ANKRD36B: variants seen among roughly 807,000 people sequenced by gnomAD.
The protein encoded by ANKRD36B is ankyrin repeat domain-containing protein 36B.
Under a neutral mutation model 135.7 loss-of-function variants are expected in ANKRD36B, and 37 were observed. That is an observed-to-expected ratio of 0.27 (90% CI 0.21 to 0.36). The LOEUF (loss-of-function observed/expected upper bound fraction) is 0.36. Among genes scored for constraint, ANKRD36B ranks in the 10% least tolerant of loss-of-function variants. The pLI, the probability that ANKRD36B is intolerant of heterozygous loss-of-function variation, is 1.00. For missense variants in ANKRD36B, 549 were observed against 1,037.1 expected, an observed-to-expected ratio of 0.53 and a Z score of 6.46; for synonymous variants, 179 against 348.1, an observed-to-expected ratio of 0.51 and a Z score of 5.41.
Position 97,589,678 on chromosome 2 carries a change from C to G in ANKRD36B, c.8G>C (p.Arg3Pro). ...AAATGCGAAGCCATCCGAGCACAAGCGCTCCATGAGGGTGGGCCACCTCTC... is the reference window on the plus strand; with the variant it reads ...AAATGCGAAGCCATCCGAGCACAAGGGCTCCATGAGGGTGGGCCACCTCTC... ME[R>P]LCSDGFAFPH... Residue 3 changes from arginine (R) to proline (P), a missense_variant, in exon 1 of 44, where the codon CGC (arginine) becomes CCC (proline). Coordinates refer to ENST00000359901, the MANE Select transcript of ANKRD36B (RefSeq NM_001393939.1). 1 of 1,614,182 alleles carries G rather than the reference C, an allele frequency of 6.2e-7. No individual in the cohort carries two copies. Among genetic ancestry groups the G allele is most frequent in the Non-Finnish European group, 8.5e-7 (1 of 1,180,026 alleles).
intron 13 of ANKRD36B, 26 bp downstream of exon 13, chr2:97,555,200 C>G: frequency 6.2e-7 from 1 of 1,610,952 alleles, no homozygotes; most frequent in Non-Finnish European, 8.5e-7. Context: ...GTTACTAATA[C>G]AAAATATAAA....
chr2:97,552,244 T>C (rs926088126), intron 16 of ANKRD36B, among the ~76,000 whole-genome samples: 1 of 152,004 alleles, frequency 6.6e-6, no homozygotes, highest in Non-Finnish European at 1.5e-5. Context: ...TTAATCACTT[T>C]TTCATTCAGA....
At chr2:97,551,917 T>C (rs1174675325) in intron 16 of ANKRD36B, among the ~76,000 whole-genome samples, 1 of 152,066 alleles carries the variant, frequency 6.6e-6, no homozygotes, top group East Asian at 2.0e-4. Context: ...CTCTTTAACT[T>C]GCCCAATATC....
intron 14 of ANKRD36B, 53 bp downstream of exon 14, chr2:97,555,007 A>C: frequency 1.3e-6 from 2 of 1,588,460 alleles, no homozygotes; most frequent in Non-Finnish European, 1.7e-6. Context: ...GGGGAAGAGA[A>C]GTTCTTTTCT....
chr2:97,494,222 T>C (rs1195813188), intron 43 of ANKRD36B, among the ~76,000 whole-genome samples: 1 of 75,050 alleles, frequency 1.3e-5, no homozygotes, highest in African/African-American at 5.2e-5. Flanking sequence ...TATAAAAAAA[T>C]AGCTGAGACT....
At chr2:97,550,645 G>C (rs1413889080) in intron 18 of ANKRD36B, among the ~76,000 whole-genome samples, 8 of 151,796 alleles carry the variant, frequency 5.3e-5, no homozygotes, top group East Asian at 2.0e-4. Flanking sequence ...GGAGTAATGA[G>C]TCATTGTGTT....
intron 18 of ANKRD36B, among the ~76,000 whole-genome samples, chr2:97,550,918 T>C (rs1337870090): frequency 6.6e-6 from 1 of 151,934 alleles, no homozygotes; most frequent in Admixed American, 6.6e-5. Context: ...TGAACAGTTT[T>C]CTGTCTGTTT....
chr2:97,580,998 G>A (rs1307047577), intron 3 of ANKRD36B, among the ~76,000 whole-genome samples: 3 of 104,608 alleles, frequency 2.9e-5, no homozygotes, highest in African/African-American at 4.6e-5. Context: ...TCTATAGAGC[G>A]GTGTTTCTTA....
At chr2:97,550,555 G>A (rs1045349891) in intron 18 of ANKRD36B, among the ~76,000 whole-genome samples, 5 of 151,698 alleles carry the variant, frequency 3.3e-5, no homozygotes, top group African/African-American at 9.7e-5. Context: ...GGAAGCCAAT[G>A]TGTTCATATT....
chr2:97,568,819 T>A (rs549024626), intron 6 of ANKRD36B, among the ~76,000 whole-genome samples: 66 of 152,304 alleles, frequency 4.3e-4, no homozygotes, highest in African/African-American at 1.5e-3. Flanking sequence ...AACAAATCTT[T>A]GTCACTATAT....
At chr2:97,587,263 G>T (rs2083075422) in intron 1 of ANKRD36B, among the ~76,000 whole-genome samples, 2 of 152,004 alleles carry the variant, frequency 1.3e-5, no homozygotes, top group South Asian at 4.1e-4. Context: ...CTTTTCCCAA[G>T]GATAATTTCA....
At chr2:97,548,451 C>A (rs1452564954) in intron 20 of ANKRD36B, among the ~76,000 whole-genome samples, 4 of 151,870 alleles carry the variant, frequency 2.6e-5, no homozygotes, top group East Asian at 1.9e-4. Flanking sequence ...TTTGACATAC[C>A]TATACAAAGT....
At chr2:97,565,804 AG>A (rs1271599554) in intron 6 of ANKRD36B, among the ~76,000 whole-genome samples, 2 of 152,034 alleles carry the variant, frequency 1.3e-5, no homozygotes, top group Non-Finnish European at 2.9e-5. Context: ...TGATTCCTCA[AG>A]GATCTAGAAC....
intron 18 of ANKRD36B, among the ~76,000 whole-genome samples, chr2:97,550,913 A>C (rs2079992668): frequency 6.6e-6 from 1 of 151,866 alleles, no homozygotes; most frequent in African/African-American, 2.4e-5. Context: ...TATTATGAAC[A>C]GTTTTCTGTC....
chr2:97,533,003 C>CTT lies in ANKRD36B; in HGVS notation c.2192-620_2192-619insAA, dbSNP rs2078681681. On this transcript the variant is annotated intron_variant, in intron 34 of 43. Coordinates refer to ENST00000359901, the MANE Select transcript of ANKRD36B (RefSeq NM_001393939.1). ...CCAATAGAAACAGAAAAAGTAACAG[C>CTT]ACACTGTTCTTTACTTCACAATAGT... is the stretch of plus-strand genomic sequence containing the variant. Among the ~76,000 whole-genome samples the CTT allele has an allele frequency of 2.1e-5, 2 of 96,206 alleles. 1 individual carries two copies. The highest frequency in any genetic ancestry group is 5.5e-5 in the Non-Finnish European group (2 of 36,290). 63.1% of individuals were successfully genotyped at this position (96,206 alleles called of 152,430 possible). A position where few individuals can be genotyped will look rare whatever the true frequency, so the allele number is the denominator to read the frequency against.
rs2442254 is a variant in ANKRD36B, at chr2:97,544,607, A to G, written c.1682-622T>C. Among the ~76,000 whole-genome samples, 43 of 96,386 alleles carry G rather than the reference A, an allele frequency of 4.5e-4. 10 individuals are homozygous for G. In the South Asian group the frequency reaches 7.2e-3, roughly 16 times the overall value. The allele number at this position is 96,386 out of a possible 152,430, so 63.2% of individuals were successfully genotyped here. ...TTGCCTAAGTTTCTTGTATCCACTC[A>G]TTTAGCCTTCTGAAAGTTTCTTCAT... On this transcript the variant is annotated intron_variant, in intron 24 of 43. Transcript: ENST00000359901.
In ANKRD36B at chr2:97,555,135, G is replaced by A. The variant is rs921275367; in HGVS notation, c.1099-3C>T. 2 of 1,611,736 alleles carry A rather than the reference G, an allele frequency of 1.2e-6. No homozygotes were observed. Among genetic ancestry groups the A allele is most frequent in the Non-Finnish European group, 1.7e-6 (2 of 1,178,702 alleles). On this transcript the variant is annotated splice_region_variant and splice_polypyrimidine_tract_variant and intron_variant, in intron 13 of 43. Coordinates refer to ENST00000359901, the MANE Select transcript of ANKRD36B (RefSeq NM_001393939.1). The stretch of plus-strand genomic sequence containing the variant: ...GAATCTGTCTTGTCACTTGCAGTCT[G>A]AAAGTAATTTGAAGCAAATTATCAA...
chr2:97,582,866 TTA>T (rs1343409058), intron 3 of ANKRD36B, among the ~76,000 whole-genome samples: 1 of 152,124 alleles, frequency 6.6e-6, no homozygotes, highest in African/African-American at 2.4e-5. Flanking sequence ...CATTTATAAT[TTA>T]TGTTTAATTT....
At chr2:97,549,384 A>G in intron 20 of ANKRD36B, 35 bp downstream of exon 20, 1 of 1,535,198 alleles carries the variant, frequency 6.5e-7, no homozygotes, top group Non-Finnish European at 8.8e-7. Context: ...ATCTATCTGG[A>G]CTGAACATGA....
Sources: gnomAD v4.1 joint callset for allele counts (sites outside exome capture counted in the v4.1 genomes callset) on GRCh38, gnomAD v4.1.1 for gene constraint, MANE v1.5 for transcripts, NCBI Gene and HGNC (gene_info 2026-07-23, HGNC 2026-07-21) for gene names.